TTC29: variants seen among roughly 807,000 people sequenced by gnomAD.
The protein encoded by TTC29 is tetratricopeptide repeat protein 29.
A neutral mutation model predicts 58.1 loss-of-function variants in TTC29; 49 were observed. The ratio of observed to expected loss-of-function variants is 0.84; its 90% CI spans 0.67 to 1.07. TTC29 has a LOEUF of 1.07. Ranked by LOEUF, TTC29 falls within the 50% of genes least tolerant of loss-of-function variation. TTC29 has a pLI of 0.00. For synonymous variants in TTC29, 209 were observed against 196.8 expected, an observed-to-expected ratio of 1.06 and a Z score of -0.52; for missense variants, 582 against 555.6, an observed-to-expected ratio of 1.05 and a Z score of -0.48.
chr4:146,809,017 T>C (rs1285520398), intron 10 of TTC29, among the ~76,000 whole-genome samples: 4 of 150,762 alleles, frequency 2.7e-5, no homozygotes, highest in African/African-American at 9.7e-5. Flanking sequence ...CAAAACAGCA[T>C]GGTACTGGTA....
chr4:146,805,968 T>C (rs1344976265), intron 10 of TTC29, among the ~76,000 whole-genome samples: 4 of 152,118 alleles, frequency 2.6e-5, no homozygotes, highest in African/African-American at 7.2e-5. Flanking sequence ...GAAACAATGT[T>C]AAGGGCAGCC....
At chr4:146,716,851 G>C (rs1006485068) in intron 11 of TTC29, among the ~76,000 whole-genome samples, 51 of 152,082 alleles carry the variant, frequency 3.4e-4, no homozygotes, top group African/African-American at 1.2e-3. Flanking sequence ...AGAATGAACT[G>C]GTCTATTTAA....
At chr4:146,939,662 C>T in intron 3 of TTC29, 142 bp downstream of exon 3, 2 of 710,868 alleles carry the variant, frequency 2.8e-6, no homozygotes, top group South Asian at 1.9e-5. Flanking sequence ...CCTTTTGAAA[C>T]AGCAGATTTC....
intron 11 of TTC29, among the ~76,000 whole-genome samples, chr4:146,740,735 A>G (rs573588040): frequency 5.3e-5 from 8 of 152,236 alleles, no homozygotes; most frequent in Admixed American, 2.6e-4. Flanking sequence ...AATTTTTTAG[A>G]GATAGAGTCT....
chr4:146,781,372 C>G (rs140818636), intron 11 of TTC29, among the ~76,000 whole-genome samples: 2 of 151,808 alleles, frequency 1.3e-5, no homozygotes, highest in Non-Finnish European at 2.9e-5. Flanking sequence ...TTAAGAGACT[C>G]GAGCTCTCAA....
chr4:146,869,805 G>A (rs1400795393), intron 7 of TTC29, among the ~76,000 whole-genome samples: 1 of 152,098 alleles, frequency 6.6e-6, no homozygotes, highest in Admixed American at 6.6e-5. Context: ...ATTTAAGCAT[G>A]AGAACTTTTC....
At chr4:146,875,001 T>G (rs1190991322) in intron 6 of TTC29, 73 bp from the exon 7 acceptor site, 2 of 1,150,066 alleles carry the variant, frequency 1.7e-6, no homozygotes, top group Non-Finnish European at 2.5e-6. Flanking sequence ...GCATACGTTT[T>G]AGCTTTATTA....
At chr4:146,814,311 C>T (rs1198790538) in intron 10 of TTC29, among the ~76,000 whole-genome samples, 4 of 151,912 alleles carry the variant, frequency 2.6e-5, no homozygotes, top group African/African-American at 9.7e-5. Flanking sequence ...CCAGGTGGGG[C>T]AGCTCATGCC....
At chr4:146,890,495 T>C (rs989678290) in intron 6 of TTC29, among the ~76,000 whole-genome samples, 4 of 152,056 alleles carry the variant, frequency 2.6e-5, no homozygotes, top group African/African-American at 9.7e-5. Context: ...AAGAGATAAC[T>C]AGAATCACAG....
chr4:146,805,675 A>G (rs1366094814), intron 10 of TTC29, among the ~76,000 whole-genome samples: 2 of 152,090 alleles, frequency 1.3e-5, no homozygotes, highest in Non-Finnish European at 2.9e-5. Flanking sequence ...AAGTGTGAAG[A>G]CAAGATTAGA....
At chr4:146,806,494 T>C (rs1199886640) in intron 10 of TTC29, among the ~76,000 whole-genome samples, 1 of 152,198 alleles carries the variant, frequency 6.6e-6, no homozygotes, top group Non-Finnish European at 1.5e-5. Context: ...ACCCATCTCA[T>C]GTGCAAAGGC....
chr4:146,807,637 A>G (rs1750709612), intron 10 of TTC29, among the ~76,000 whole-genome samples: 1 of 152,340 alleles, frequency 6.6e-6, no homozygotes, highest in Non-Finnish European at 1.5e-5. Flanking sequence ...TAGAAAATAT[A>G]GAAGAAATGG....
chr4:146,798,156 A>G (rs1175236926), intron 11 of TTC29, among the ~76,000 whole-genome samples: 4 of 152,138 alleles, frequency 2.6e-5, no homozygotes, highest in Admixed American at 6.5e-5. Context: ...TATAGGATAT[A>G]GGAGTGGCAT....
intron 11 of TTC29, among the ~76,000 whole-genome samples, chr4:146,748,207 TA>T (rs1173185340): frequency 6.6e-6 from 1 of 152,206 alleles, no homozygotes; most frequent in East Asian, 1.9e-4. Context: ...TCCCTGGAGA[TA>T]CACCAGTGCT....
chr4:146,717,618 A>G (rs1448641897), intron 11 of TTC29, among the ~76,000 whole-genome samples: 1 of 152,106 alleles, frequency 6.6e-6, no homozygotes, highest in Non-Finnish European at 1.5e-5. Context: ...TTGTACATTG[A>G]CAAATTATAA....
chr4:146,750,962 T>G (rs941577578), intron 11 of TTC29, among the ~76,000 whole-genome samples: 1 of 152,172 alleles, frequency 6.6e-6, no homozygotes, highest in African/African-American at 2.4e-5. Context: ...AATATTCTCT[T>G]CCTACAAAAG....
At chr4:146,858,885 T>C (rs964388685) in intron 8 of TTC29, among the ~76,000 whole-genome samples, 1 of 152,204 alleles carries the variant, frequency 6.6e-6, no homozygotes, top group African/African-American at 2.4e-5. Flanking sequence ...CATCAATTAA[T>C]GATGTTGTTG....
At chr4:146,761,734 T>G (rs1014462509) in intron 11 of TTC29, among the ~76,000 whole-genome samples, 5 of 146,478 alleles carry the variant, frequency 3.4e-5, no homozygotes, top group Non-Finnish European at 6.0e-5. Flanking sequence ...TTTAGTATGG[T>G]GTAGTATACA....
intron 4 of TTC29, among the ~76,000 whole-genome samples, chr4:146,926,654 G>T (rs573176240): frequency 1.3e-5 from 2 of 151,970 alleles, no homozygotes; most frequent in East Asian, 3.9e-4. Flanking sequence ...GTAGAGACAG[G>T]GTTTCACCAT....
Sources: gnomAD v4.1 joint callset for allele counts (sites outside exome capture counted in the v4.1 genomes callset) on GRCh38, gnomAD v4.1.1 for gene constraint, MANE v1.5 for transcripts, NCBI Gene and HGNC (gene_info 2026-07-23, HGNC 2026-07-21) for gene names.